Variants in EBF1 observed in about 807,000 individuals in gnomAD.
EBF1 encodes the protein transcription factor COE1.
A neutral mutation model predicts 68.4 loss-of-function variants in EBF1; 10 were observed. The ratio of observed to expected loss-of-function variants is 0.15; its 90% confidence interval spans 0.09 to 0.25. EBF1 has a LOEUF of 0.25. Among genes scored for constraint, EBF1 ranks in the 10% least tolerant of loss-of-function variants. The pLI is 1.00. For missense variants in EBF1, 509 were observed against 794.4 expected (o/e 0.64, Z 4.32); for synonymous variants, 298 against 299.8 (o/e 0.99, Z 0.06).
chr5:158,911,895 T>C (rs1806062102), intron 6 of EBF1, among the ~76,000 whole-genome samples: 1 of 152,238 alleles, frequency 6.6e-6, no homozygotes, highest in South Asian at 2.1e-4. Flanking sequence ...TGACATGGTA[T>C]GAAGTGGTTC....
chr5:158,972,120 C>T (rs1310864571), intron 6 of EBF1, among the ~76,000 whole-genome samples: 2 of 152,142 alleles, frequency 1.3e-5, no homozygotes, highest in Non-Finnish European at 2.9e-5. Flanking sequence ...TGCTGATTGT[C>T]CATGAAGGGC....
At chr5:159,055,014 C>T (rs769127155) in intron 6 of EBF1, among the ~76,000 whole-genome samples, 2 of 152,118 alleles carry the variant, frequency 1.3e-5, no homozygotes, top group Non-Finnish European at 2.9e-5. Flanking sequence ...AAGATCTCAC[C>T]CACTAGCTTC....
intron 9 of EBF1, among the ~76,000 whole-genome samples, chr5:158,790,216 G>A (rs749102804): frequency 3.3e-5 from 5 of 152,184 alleles, no homozygotes; most frequent in Non-Finnish European, 1.5e-5. Flanking sequence ...AAATATAGCT[G>A]CCCTACAAAA....
chr5:158,968,014 G>C (rs1380213655), intron 6 of EBF1, among the ~76,000 whole-genome samples: 3 of 152,158 alleles, frequency 2.0e-5, no homozygotes, highest in Non-Finnish European at 4.4e-5. Flanking sequence ...AAACATGCTT[G>C]TCTCCAGTAG....
intron 6 of EBF1, among the ~76,000 whole-genome samples, chr5:158,984,510 A>G (rs959626939): frequency 6.6e-5 from 10 of 152,186 alleles, no homozygotes; most frequent in African/African-American, 2.2e-4. Flanking sequence ...ATGGAATCAC[A>G]TAGTAAGAGT....
chr5:158,908,844 C>A (rs1805246924), intron 6 of EBF1, among the ~76,000 whole-genome samples: 1 of 152,204 alleles, frequency 6.6e-6, no homozygotes, highest in African/African-American at 2.4e-5. Context: ...CCATGCAGAG[C>A]ACATGCCTTC....
At chr5:159,097,656 A>C (rs1782891745) in intron 1 of EBF1, 1 of 234,506 alleles carries the variant, frequency 4.3e-6, no homozygotes, top group Non-Finnish European at 8.4e-6. Flanking sequence ...TTGGGAAGCC[A>C]CATCCCCCCA....
chr5:158,971,998 TC>T (rs1755752339), intron 6 of EBF1, among the ~76,000 whole-genome samples: 1 of 152,226 alleles, frequency 6.6e-6, no homozygotes, highest in South Asian at 2.1e-4. Flanking sequence ...AACTATTTCT[TC>T]CTCTTCATCA....
intron 6 of EBF1, among the ~76,000 whole-genome samples, chr5:159,054,566 A>G (rs1774408038): frequency 6.6e-6 from 1 of 152,220 alleles, no homozygotes; most frequent in Non-Finnish European, 1.5e-5. Flanking sequence ...ATTGTCACTC[A>G]CAAGCAAAGG....
chr5:159,014,034 T>C (rs185446425), intron 6 of EBF1, among the ~76,000 whole-genome samples: 151 of 152,354 alleles, frequency 9.9e-4, no homozygotes, highest in Non-Finnish European at 1.9e-3. Flanking sequence ...TACATCAACA[T>C]TGGGCTTCCT....
intron 7 of EBF1, among the ~76,000 whole-genome samples, chr5:158,824,112 A>G (rs1290194020): frequency 6.6e-6 from 1 of 152,170 alleles, no homozygotes; most frequent in East Asian, 1.9e-4. Flanking sequence ...TTAAATGGGG[A>G]AAGGGATTAA....
At chr5:159,068,223 G>A (rs145930739) in intron 6 of EBF1, among the ~76,000 whole-genome samples, 1 of 152,162 alleles carries the variant, frequency 6.6e-6, no homozygotes, top group Admixed American at 6.5e-5. Context: ...GACTTTATGT[G>A]GATGACAAAA....
In EBF1 at chr5:158,813,639, A is replaced by G. The variant is rs2127806369; in HGVS notation, c.778+9537T>C. On this transcript the variant is annotated intron_variant, in intron 8 of 15. Transcript: ENST00000313708. ...CCTCTCACAGAATTAGCTGGGTTCA[A>G]AAAACAAATCATCAGAGCTTGAAGG... Among the ~76,000 whole-genome samples the G allele has an allele frequency of 2.0e-5, 3 of 152,334 alleles. No homozygotes were observed. The South Asian group carries it at 6.2e-4, about 32-fold the overall frequency.
At chr5:158,726,595 C>T (rs1352911939) in intron 11 of EBF1, among the ~76,000 whole-genome samples, 1 of 152,214 alleles carries the variant, frequency 6.6e-6, no homozygotes, top group African/African-American at 2.4e-5. Flanking sequence ...TTTTCCCAAA[C>T]TGCTTTATTT....
intron 6 of EBF1, among the ~76,000 whole-genome samples, chr5:159,060,711 C>A (rs1356068778): frequency 6.6e-6 from 1 of 151,998 alleles, no homozygotes; most frequent in Non-Finnish European, 1.5e-5. Flanking sequence ...GCTAGAAAGA[C>A]AGCAAAATAT....
At chr5:158,767,400 C>G (rs1356896088) in intron 10 of EBF1, among the ~76,000 whole-genome samples, 1 of 152,160 alleles carries the variant, frequency 6.6e-6, no homozygotes, top group Non-Finnish European at 1.5e-5. Context: ...CCATCACCAA[C>G]AACTGCATTT....
intron 6 of EBF1, among the ~76,000 whole-genome samples, chr5:159,065,012 T>C (rs1317042136): frequency 6.9e-6 from 1 of 145,690 alleles, no homozygotes; most frequent in African/African-American, 2.5e-5. Flanking sequence ...GTTCTTCAAA[T>C]TAACTTTCCA....
At chr5:158,998,578 C>T (rs191347669) in intron 6 of EBF1, among the ~76,000 whole-genome samples, 7 of 152,276 alleles carry the variant, frequency 4.6e-5, no homozygotes, top group African/African-American at 9.6e-5. Flanking sequence ...CTTCAGCTTC[C>T]GAAAACTTCA....
chr5:158,907,335 CAA>C lies in EBF1; in HGVS notation c.555-67227_555-67226del, dbSNP rs1241543928. On this transcript the variant is annotated intron_variant, in intron 6 of 15. Coordinates refer to ENST00000313708, the MANE Select transcript of EBF1 (RefSeq NM_024007.5). ...CCACCAAAACAAATAAAATCAGAAA[CAA>C]AGTTTTTTCAAATAATTGAAAACCT... 2.6e-5 allele frequency among the ~76,000 whole-genome samples: 4 copies of C among 152,084 alleles called. No homozygotes were observed. The East Asian group carries it at 5.8e-4, about 22-fold the overall frequency.
Sources: allele counts gnomAD v4.1 joint callset (sites outside exome capture counted in the v4.1 genomes callset), GRCh38; gene constraint gnomAD v4.1.1; transcripts MANE v1.5; gene names NCBI Gene and HGNC (gene_info 2026-07-23, HGNC 2026-07-21).